Variants in KIFC3 observed in about 807,000 individuals in gnomAD.
The protein encoded by KIFC3 is kinesin family member C3, also known as kinesin-like protein KIFC3.
In KIFC3, 60 loss-of-function variants were observed where a neutral mutation model predicts 101.8. That is an observed-to-expected ratio of 0.59 (90% confidence interval 0.48 to 0.73). The LOEUF (loss-of-function observed/expected upper bound fraction) is 0.73. Ranked by LOEUF, KIFC3 falls within the 30% of genes least tolerant of loss-of-function variation. The probability of loss-of-function intolerance (pLI) is 0.00; values close to 1 mark genes in which losing one functional copy is unlikely to be tolerated. For missense variants in KIFC3, 966 were observed against 1,137.1 expected, an observed-to-expected ratio of 0.85 and a Z score of 2.16; for synonymous variants, 476 against 482.7, an observed-to-expected ratio of 0.99 and a Z score of 0.18.
chr16:57,850,465 GTTTTTT>G (rs373157438), intron 1 of KIFC3, among the ~76,000 whole-genome samples: 26 of 84,106 alleles, frequency 3.1e-4, no homozygotes, highest in South Asian at 9.3e-4. Context: ...TTTAAAAAGG[GTTTTTT>G]TTTTTTTTTT....
chr16:57,792,865 CAAAAAAAAAAAAA>C (rs35129462), intron 3 of KIFC3, among the ~76,000 whole-genome samples: 53 of 38,444 alleles, frequency 1.4e-3, no homozygotes, highest in African/African-American at 4.7e-3. Flanking sequence ...AGACCTTGCT[CAAAAAAAAAAAAA>C]AAAAAAAAAA....
intron 1 of KIFC3, among the ~76,000 whole-genome samples, chr16:57,851,141 G>T (rs2056049950): frequency 6.6e-6 from 1 of 152,064 alleles, no homozygotes; most frequent in Non-Finnish European, 1.5e-5. Flanking sequence ...CTCCTGAGTA[G>T]CCAGGATTAC....
rs1555595024 is a variant in KIFC3 at position 57,760,360 on chromosome 16, C to G, written c.2289G>C (p.Glu763Asp). 1 of 1,614,030 alleles carries G rather than the reference C, an allele frequency of 6.2e-7. No homozygotes were observed. The highest frequency in any genetic ancestry group is 2.2e-5 in the East Asian group (1 of 44,886). ...GCCCCAGCTCCACAGAGCGCACCCT[C>G]TCAGCAAACTTGAGGGAATAGAGCG... is the stretch of plus-strand genomic sequence containing the variant. Reference protein sequence around the residue: ...SETLYSLKFAERVRSVELGPG... With the variant: ...SETLYSLKFADRVRSVELGPG... The change falls in exon 17 of 20, where the codon GAG (glutamate) becomes GAC (aspartate). Residue 763 changes from glutamate (E) to aspartate (D), a missense_variant. Physicochemically the swap from Glu to Asp is conservative, Grantham distance 45. Transcript: ENST00000445690.
intron 2 of KIFC3, chr16:57,797,769 C>T (rs1555623616): frequency 2.3e-6 from 3 of 1,295,188 alleles, no homozygotes; most frequent in Non-Finnish European, 2.9e-6. Context: ...GACGGCAGCC[C>T]GCAGAGCTCT....
rs782344950 is a variant in KIFC3, at chr16:57,760,829, G to C, written c.2129C>G (p.Ala710Gly). The change falls in exon 16 of 20, where the codon GCC (alanine) becomes GGC (glycine). Residue 710 changes from alanine (A) to glycine (G), a missense_variant. Physicochemically the swap from Ala to Gly is moderately conservative, Grantham distance 60. Transcript: ENST00000445690. ...CACGTGGCCCTGGCGGGAGCGCAGG[G>C]CAGCAATGACGTCCCCCAGAGCCGA... Reference protein sequence around the residue: ...SLSALGDVIAALRSRQGHVPF... With the variant: ...SLSALGDVIAGLRSRQGHVPF... The C allele has an allele frequency of 1.2e-6, 2 of 1,613,426 alleles. No homozygotes were observed. Among genetic ancestry groups the C allele is most frequent in the Admixed American group, 3.3e-5 (2 of 60,024 alleles).
At chr16:57,850,108 T>G (rs2056017912) in intron 1 of KIFC3, among the ~76,000 whole-genome samples, 1 of 151,234 alleles carries the variant, frequency 6.6e-6, no homozygotes, top group South Asian at 2.1e-4. Context: ...AAATAAATAG[T>G]AATAATAAAA....
chr16:57,798,474 G>A, intron 1 of KIFC3, 192 bp from the exon 2 acceptor site: 1 of 608,160 alleles, frequency 1.6e-6, no homozygotes, highest in Non-Finnish European at 2.9e-6. Context: ...CCTTTTGGGG[G>A]TATTTGTTTC....
chr16:57,806,603 A>G (rs1379866244), upstream of KIFC3, among the ~76,000 whole-genome samples: 1 of 152,218 alleles, frequency 6.6e-6, no homozygotes, highest in Non-Finnish European at 1.5e-5. Flanking sequence ...ATCCCATAGA[A>G]TTCAGAAGGG....
intron 1 of KIFC3, among the ~76,000 whole-genome samples, chr16:57,842,694 A>T (rs1164318610): frequency 2.6e-5 from 4 of 152,158 alleles, no homozygotes; most frequent in African/African-American, 9.7e-5. Flanking sequence ...ATAACATCCT[A>T]ATAATAGCCC....
intron 3 of KIFC3, chr16:57,785,485 C>T (rs782699533): frequency 4.3e-5 from 56 of 1,287,628 alleles, no homozygotes; most frequent in African/African-American, 6.1e-5. Context: ...GCTGGGTGGA[C>T]GTGGCCTGCT....
chr16:57,770,062 GCA>G, intron 7 of KIFC3, 107 bp from the exon 8 acceptor site: 1 of 1,344,212 alleles, frequency 7.4e-7, no homozygotes, highest in Non-Finnish European at 1.0e-6. Flanking sequence ...GAACACACAT[GCA>G]CACACACATG....
chr16:57,766,437 C>T (rs536829575), intron 10 of KIFC3, among the ~76,000 whole-genome samples: 2 of 152,354 alleles, frequency 1.3e-5, no homozygotes, highest in African/African-American at 4.8e-5. Context: ...CACCGGGAGG[C>T]AGTCTGTGGG....
intron 13 of KIFC3, 89 bp from the exon 14 acceptor site, chr16:57,761,625 C>T: frequency 6.7e-7 from 1 of 1,498,270 alleles, no homozygotes; most frequent in South Asian, 1.2e-5. Flanking sequence ...GAATGTTCCC[C>T]CAACCCAGGA....
intron 1 of KIFC3, among the ~76,000 whole-genome samples, chr16:57,834,489 T>A (rs1450645307): frequency 6.6e-6 from 1 of 152,080 alleles, no homozygotes; most frequent in Non-Finnish European, 1.5e-5. Context: ...AAAATAAAAA[T>A]ACCTTTAAAT....
Position 57,857,710 on chromosome 16 carries a change from T to C in KIFC3, c.108+5019A>G, listed in dbSNP as rs145259100. ...TGGTTTCCAGCTTCATCCATGTCCC[T>C]GCAAAGGACATGAATTCATCCTTTT... On this transcript the variant is annotated intron_variant, in intron 1 of 2. Transcript: ENST00000563028. Among the ~76,000 whole-genome samples the C allele has an allele frequency of 2.6e-5, 4 of 152,186 alleles. No individual in the cohort carries two copies. The East Asian group carries it at 7.7e-4, about 29-fold the overall frequency.
chr16:57,813,855 A>G, intron 1 of KIFC3: 9 of 985,444 alleles, frequency 9.1e-6, no homozygotes, highest in Non-Finnish European at 9.6e-6. Context: ...TCCTGGACAT[A>G]AAAGCCATGC....
chr16:57,861,409 A>T (rs13330610), intron 1 of KIFC3, among the ~76,000 whole-genome samples: 2,259 of 152,282 alleles, frequency 0.015, 52 homozygotes, highest in African/African-American at 0.052. Flanking sequence ...CATCTCTGAC[A>T]CTATTAACTT....
intron 1 of KIFC3, among the ~76,000 whole-genome samples, chr16:57,850,465 G>GTTTTTTTTTTTTTTTTTTTTTTTTTTTT (rs373157438): frequency 2.4e-5 from 2 of 84,080 alleles, no homozygotes; most frequent in Non-Finnish European, 4.2e-5. Flanking sequence ...TTTAAAAAGG[G>GTTTTTTTTTTTTTTTTTTTTTTTTTTTT]TTTTTTTTTT....
At chr16:57,787,156 G>T (rs2053422323) in intron 3 of KIFC3, among the ~76,000 whole-genome samples, 1 of 152,250 alleles carries the variant, frequency 6.6e-6, no homozygotes, top group Non-Finnish European at 1.5e-5. Flanking sequence ...TGACCAGCGT[G>T]GCCCTCAGCC....
Sources: allele counts gnomAD v4.1 joint callset (sites outside exome capture counted in the v4.1 genomes callset), GRCh38; gene constraint gnomAD v4.1.1; transcripts MANE v1.5; gene names NCBI Gene and HGNC (gene_info 2026-07-23, HGNC 2026-07-21).